The following RASGRP2 variants were observed in gnomAD, a reference collection of about 807,000 sequenced individuals.
The protein encoded by RASGRP2 is RAS guanyl releasing protein 2.
In RASGRP2, 44 loss-of-function variants were observed where a neutral mutation model predicts 71.0. The observed-to-expected ratio is 0.62, with a 90% CI of 0.49 to 0.80. RASGRP2 has a LOEUF of 0.80. Among genes scored for constraint, RASGRP2 ranks in the 30% least tolerant of loss-of-function variants. RASGRP2 has a pLI of 0.00. For missense variants in RASGRP2, 663 were observed against 813.4 expected (o/e 0.82, Z 2.25); for synonymous variants, 350 against 330.7 (o/e 1.06, Z -0.63).
chr11:64,739,782 G>A lies in RASGRP2; in HGVS notation c.550C>T (p.His184Tyr). ...LFQDYHSFVT[H>Y]GCTVDNPVLE... ...ACGGGGTTGTCCACAGTGCAGCCAT[G>A]AGTCACGAAACTGTGATAGTCCTGA... The change falls in exon 7 of 17, where the codon CAT (histidine) becomes TAT (tyrosine). Residue 184 changes from histidine to tyrosine, a missense_variant. By Grantham distance (83) the His-to-Tyr change is moderately conservative. Coordinates refer to ENST00000394432, the MANE Select transcript of RASGRP2 (RefSeq NM_001098671.2). The surrounding 1 kb of genome is among the most constrained non-coding windows in gnomAD (Gnocchi z 4.2). 1 of 1,613,908 alleles carries A rather than the reference G, an allele frequency of 6.2e-7. No homozygotes were observed. The highest frequency in any genetic ancestry group is 8.5e-7 in the Non-Finnish European group (1 of 1,179,944).
At chr11:64,741,303 G>A (rs1241571751) in intron 4 of RASGRP2, 136 bp downstream of exon 4, 5 of 1,126,158 alleles carry the variant, frequency 4.4e-6, no homozygotes, top group Non-Finnish European at 6.5e-6. Flanking sequence ...TGAGCCTGTG[G>A]CAGCACTGCC....
At position 64,735,217 on chromosome 11, in the gene RASGRP2, C is replaced by T. The variant is rs138764936; in HGVS notation, c.1307G>A (p.Arg436Gln). The change falls in exon 12 of 17, where the codon CGG becomes CAG. Residue 436 changes from arginine to glutamine, a missense_variant. Arg to Gln is a conservative substitution (Grantham distance 43, BLOSUM62 1). Transcript: ENST00000394432. The surrounding 1 kb of genome is among the most constrained non-coding windows in gnomAD (Gnocchi z 4.2). ...GCCATCCCCATCGACGTCAAAGTTC[C>T]GGAACACAGACTGGGGCACGCAGAG... Reference protein sequence around the residue: ...HIEKMVESVFRNFDVDGDGHI... With the variant: ...HIEKMVESVFQNFDVDGDGHI... 18 of 1,613,936 alleles carry T rather than the reference C, an allele frequency of 1.1e-5. No individual in the cohort carries two copies. The East Asian group carries it at 1.8e-4, about 16-fold the overall frequency.
intron 9 of RASGRP2, 77 bp from the exon 10 acceptor site, chr11:64,736,057 AG>A (rs1475433022): frequency 1.7e-6 from 2 of 1,179,434 alleles, no homozygotes; most frequent in African/African-American, 3.4e-5. Flanking sequence ...GTCGACCTAG[AG>A]GCCACAGCTC....
At chr11:64,729,836 T>G in intron 13 of RASGRP2, 38 bp from the exon 14 acceptor site, 1 of 1,611,834 alleles carries the variant, frequency 6.2e-7, no homozygotes, top group Non-Finnish European at 8.5e-7. Flanking sequence ...AGGAGGGATT[T>G]AGAGGTGATG....
At position 64,742,226 on chromosome 11, in the gene RASGRP2, C is replaced by A; in HGVS notation, c.74-114G>T. 2.5e-6 allele frequency: 2 copies of A among 799,966 alleles called. No individual in the cohort carries two copies. The highest frequency in any genetic ancestry group is 2.2e-6 in the Non-Finnish European group (1 of 463,832). The allele number at this position is 799,966 out of a possible 1,614,324, so 49.6% of individuals were successfully genotyped here. A position where few individuals can be genotyped will look rare whatever the true frequency, so the allele number is the denominator to read the frequency against. On this transcript the variant is annotated intron_variant, in intron 2 of 16. Transcript: ENST00000394432. This position sits in a 1 kb window ranked among gnomAD's most constrained non-coding sequence, Gnocchi z 4.7. The stretch of plus-strand genomic sequence containing the variant: ...CCTTCGGGTGCACGCTCGACCCCGC[C>A]CACCTCCTGCTTGCCCAGGACTCCG...
chr11:64,741,097 C>T lies in RASGRP2; in HGVS notation c.240-18G>A. The T allele has an allele frequency of 6.2e-7, 1 of 1,610,700 alleles. No homozygotes were observed. Among genetic ancestry groups the T allele is most frequent in the Non-Finnish European group, 8.5e-7 (1 of 1,179,786 alleles). On this transcript the variant is annotated intron_variant, in intron 4 of 16. Transcript: ENST00000394432. ...TCCAGTACCTGGAGGAGCGGGGAGT[C>T]ACCCAAGATAGCCCTTCCCCCACCA...
At chr11:64,737,173 C>T in intron 8 of RASGRP2, 139 bp from the exon 9 acceptor site, 1 of 1,001,106 alleles carries the variant, frequency 1.0e-6, no homozygotes, top group South Asian at 1.4e-5. Context: ...TCCCCCACGA[C>T]TGGCTCTCTC....
At chr11:64,732,529 C>A (rs1225527290) in intron 12 of RASGRP2, among the ~76,000 whole-genome samples, 1 of 152,226 alleles carries the variant, frequency 6.6e-6, no homozygotes, top group Non-Finnish European at 1.5e-5. Flanking sequence ...TGAGGTGGCT[C>A]ACGCCTGTAA....
intron 12 of RASGRP2, among the ~76,000 whole-genome samples, chr11:64,733,395 A>AACACACACACACACACAC (rs4014428): frequency 8.0e-6 from 1 of 124,796 alleles, no homozygotes; most frequent in African/African-American, 3.0e-5. Context: ...CCCCCTCACC[A>AACACACACACACACACAC]ACACACACAC....
chr11:64,743,548 C>T lies in RASGRP2; in HGVS notation c.-72+455G>A. The T allele has an allele frequency of 2.9e-6, 1 of 339,896 alleles. No individual in the cohort carries two copies. The highest frequency in any genetic ancestry group is 5.8e-6 in the Non-Finnish European group (1 of 173,772). The allele number at this position is 339,896 out of a possible 1,614,324, so 21.1% of individuals were successfully genotyped here. ...ACATTCCTGGGGCGGGGGGAGCCCG[C>T]TGCGGCCAGGAGGCGTCAGCGGGAA... is the stretch of plus-strand genomic sequence containing the variant. On this transcript the variant is annotated intron_variant, in intron 1 of 16. Coordinates refer to ENST00000394432, the MANE Select transcript of RASGRP2 (RefSeq NM_001098671.2). The surrounding 1 kb of genome is among the most constrained non-coding windows in gnomAD (Gnocchi z 4.9).
chr11:64,736,667 C>T (rs2057947673), intron 9 of RASGRP2, 86 bp downstream of exon 9: 10 of 1,441,182 alleles, frequency 6.9e-6, no homozygotes, highest in South Asian at 5.0e-5. Context: ...GAACCCAGAG[C>T]CCCAGGCCAC....
At chr11:64,731,759 G>A (rs902755348) in intron 12 of RASGRP2, among the ~76,000 whole-genome samples, 2 of 152,224 alleles carry the variant, frequency 1.3e-5, no homozygotes, top group Non-Finnish European at 2.9e-5. Context: ...CAATGAGACT[G>A]GCAAAATTGT....
intron 5 of RASGRP2, chr11:64,740,681 A>G (rs2058092810): frequency 1.5e-6 from 1 of 651,458 alleles, no homozygotes; most frequent in African/African-American, 1.8e-5. Flanking sequence ...CACCATGATG[A>G]GAAAGGACTC....
Position 64,735,379 on chromosome 11 carries a change from C to CTGGG in RASGRP2, c.1297-153_1297-152insCCCA. ...CCCGTTCCATACCTCCACCCCCACCCTACCCAGGGGCACTTCAGCCCCGTG... is the reference window on the plus strand; with the variant it reads ...CCCGTTCCATACCTCCACCCCCACCCTGGGTACCCAGGGGCACTTCAGCCCCGTG... On this transcript the variant is annotated intron_variant, in intron 11 of 16. Coordinates refer to ENST00000394432, the MANE Select transcript of RASGRP2 (RefSeq NM_001098671.2). The surrounding 1 kb of genome is among the most constrained non-coding windows in gnomAD (Gnocchi z 4.2). 22 of 1,388,416 alleles carry CTGGG rather than the reference C, an allele frequency of 1.6e-5. No homozygotes were observed. Among genetic ancestry groups the CTGGG allele is most frequent in the Non-Finnish European group, 2.2e-5 (22 of 985,216 alleles). The allele number at this position is 1,388,416 out of a possible 1,614,324, so 86.0% of individuals were successfully genotyped here.
intron 5 of RASGRP2, 32 bp downstream of exon 5, chr11:64,740,915 GC>G (rs748688495): frequency 1.3e-5 from 21 of 1,611,270 alleles, no homozygotes; most frequent in Non-Finnish European, 1.5e-5. Flanking sequence ...GATACTGAGT[GC>G]CCCCCCAGCC....
In RASGRP2 at chr11:64,726,954, C is replaced by T. The variant is rs1592341946; in HGVS notation, c.*184G>A. The stretch of plus-strand genomic sequence containing the variant: ...GCCTTTTTATTCCATCTGGAAAATA[C>T]AAATATTCACAAGAGTCTGTACAAC... On this transcript the variant is annotated 3_prime_UTR_variant, in exon 17 of 17. Transcript: ENST00000394432. 3 of 242,908 alleles carry T rather than the reference C, an allele frequency of 1.2e-5. No individual in the cohort carries two copies. Among genetic ancestry groups the T allele is most frequent in the South Asian group, 1.2e-4 (2 of 16,518 alleles). The allele number at this position is 242,908 out of a possible 1,614,324, so 15.0% of individuals were successfully genotyped here. A position where few individuals can be genotyped will look rare whatever the true frequency, so the allele number is the denominator to read the frequency against.
Position 64,740,977 on chromosome 11 carries a change from C to T in RASGRP2, c.342G>A (p.Arg114=). The stretch of plus-strand genomic sequence containing the variant: ...TGTCTATGTCGATTAGGCTGCTGTG[C>T]CGTCGGTTCCCTTCTTGGTCTAGCA... ...KALLDQEGNR[R]HSSLIDIDSV... is the part of the protein sequence containing the mutation. Residue 114 remains arginine (R), a synonymous_variant, in exon 5 of 17, where the codon CGG becomes CGA. Coordinates refer to ENST00000394432, the MANE Select transcript of RASGRP2 (RefSeq NM_001098671.2). The T allele has an allele frequency of 6.2e-7, 1 of 1,613,926 alleles. No individual in the cohort carries two copies. The highest frequency in any genetic ancestry group is 8.5e-7 in the Non-Finnish European group (1 of 1,180,008).
At chr11:64,729,666 C>A in intron 14 of RASGRP2, 96 bp downstream of exon 14, 2 of 1,446,950 alleles carry the variant, frequency 1.4e-6, no homozygotes, top group Non-Finnish European at 1.9e-6. Context: ...GTACTTCACT[C>A]CTTGGCAATT....
intron 12 of RASGRP2, among the ~76,000 whole-genome samples, chr11:64,733,309 G>C (rs1239689063): frequency 6.6e-6 from 1 of 151,860 alleles, no homozygotes; most frequent in Non-Finnish European, 1.5e-5. Context: ...TGGTGAGCTG[G>C]GCCTGGTCCT....
Sources: gnomAD v4.1 joint callset for allele counts (sites outside exome capture counted in the v4.1 genomes callset) on GRCh38, gnomAD v4.1.1 for gene constraint, Gnocchi (gnomAD v3.1) non-coding constraint, MANE v1.5 for transcripts, NCBI Gene and HGNC (gene_info 2026-07-23, HGNC 2026-07-21) for gene names.